CACNA2D3: variants seen among roughly 807,000 people sequenced by gnomAD.
CACNA2D3 encodes calcium voltage-gated channel auxiliary subunit alpha2delta 3.
Under a neutral mutation model 160.6 loss-of-function variants are expected in CACNA2D3, and 60 were observed. The observed-to-expected ratio is 0.37, with a 90% CI of 0.30 to 0.46. CACNA2D3 has a LOEUF of 0.46. Among genes scored for constraint, CACNA2D3 ranks in the 20% least tolerant of loss-of-function variants. The pLI is 1.00. For synonymous variants in CACNA2D3, 558 were observed against 492.9 expected (o/e 1.13, Z -1.75); for missense variants, 1,205 against 1,365.0 (o/e 0.88, Z 1.85).
intron 35 of CACNA2D3, among the ~76,000 whole-genome samples, chr3:55,034,672 A>G (rs1233228924): frequency 1.3e-5 from 2 of 152,016 alleles, no homozygotes; most frequent in Non-Finnish European, 2.9e-5. Context: ...TATAAATACT[A>G]TTTTATAACA....
At chr3:54,825,241 A>C (rs1320275924) in intron 14 of CACNA2D3, among the ~76,000 whole-genome samples, 1 of 152,170 alleles carries the variant, frequency 6.6e-6, no homozygotes, top group Non-Finnish European at 1.5e-5. Flanking sequence ...ACATCCTCGA[A>C]GATATAAAAA....
chr3:54,499,443 G>T (rs1045437467), intron 4 of CACNA2D3, among the ~76,000 whole-genome samples: 3 of 151,766 alleles, frequency 2.0e-5, no homozygotes, highest in Admixed American at 1.3e-4. Context: ...CATTTTTTCT[G>T]CTTACTTTAG....
At chr3:54,172,636 G>A (rs1228119728) in intron 2 of CACNA2D3, among the ~76,000 whole-genome samples, 1 of 152,152 alleles carries the variant, frequency 6.6e-6, no homozygotes, top group Non-Finnish European at 1.5e-5. Context: ...ATTGAAACAT[G>A]AAACTGTTGA....
intron 5 of CACNA2D3, among the ~76,000 whole-genome samples, chr3:54,516,859 A>T (rs945745058): frequency 2.0e-5 from 3 of 152,132 alleles, no homozygotes; most frequent in Non-Finnish European, 4.4e-5. Flanking sequence ...AATTAGCAAG[A>T]CAAAGTGCCC....
intron 27 of CACNA2D3, among the ~76,000 whole-genome samples, chr3:54,948,493 GGCAAAGGTA>G (rs1701672126): frequency 6.6e-6 from 1 of 152,186 alleles, no homozygotes; most frequent in Non-Finnish European, 1.5e-5. Context: ...AACTAGTATG[GGCAAAGGTA>G]GCATCTTCCT....
rs572352680 is a variant in CACNA2D3, at chr3:54,869,896, C to T, written c.1627-1643C>T. 6.4e-4 allele frequency among the ~76,000 whole-genome samples: 97 copies of T among 152,310 alleles called. 1 individual carries two copies. The highest frequency in any genetic ancestry group is 1.2e-3 in the Non-Finnish European group (85 of 68,036). ...AATCTGCTATTGTTTACAGTGGCTT[C>T]TGAGGGAACCACTTTCCTTCCCCTT... On this transcript the variant is annotated intron_variant, in intron 17 of 37. Coordinates refer to ENST00000474759, the MANE Select transcript of CACNA2D3 (RefSeq NM_018398.3).
intron 2 of CACNA2D3, among the ~76,000 whole-genome samples, chr3:54,221,658 T>C (rs1701574695): frequency 6.6e-6 from 1 of 152,228 alleles, no homozygotes; most frequent in Non-Finnish European, 1.5e-5. Context: ...AATTCACAGA[T>C]GCTAAAGTCT....
At chr3:54,154,440 C>T (rs545722557) in intron 2 of CACNA2D3, among the ~76,000 whole-genome samples, 4 of 152,122 alleles carry the variant, frequency 2.6e-5, no homozygotes, top group Non-Finnish European at 4.4e-5. Context: ...AGGTCTCGGG[C>T]TTAGGAACCT....
At chr3:54,795,197 A>T (rs977303429) in intron 13 of CACNA2D3, among the ~76,000 whole-genome samples, 1 of 152,244 alleles carries the variant, frequency 6.6e-6, no homozygotes, top group East Asian at 1.9e-4. Context: ...CTTTTAAAAA[A>T]TTTTAAGTAT....
chr3:54,803,953 C>T (rs1026324201), intron 13 of CACNA2D3, among the ~76,000 whole-genome samples: 24 of 152,204 alleles, frequency 1.6e-4, no homozygotes, highest in Non-Finnish European at 2.9e-4. Context: ...TCCAGTCAAA[C>T]TAAGCTTCAG....
chr3:54,226,477 T>C (rs1236797245), intron 2 of CACNA2D3, among the ~76,000 whole-genome samples: 2 of 152,030 alleles, frequency 1.3e-5, no homozygotes, highest in African/African-American at 4.8e-5. Context: ...TAATTTTTTA[T>C]TTTTTGTTGA....
intron 9 of CACNA2D3, among the ~76,000 whole-genome samples, chr3:54,613,515 C>T (rs758638971): frequency 6.6e-6 from 1 of 152,186 alleles, no homozygotes; most frequent in Non-Finnish European, 1.5e-5. Flanking sequence ...TTTCTGTTTA[C>T]TCATGGTCCA....
At chr3:54,647,147 G>A (rs879131473) in intron 11 of CACNA2D3, among the ~76,000 whole-genome samples, 2 of 152,206 alleles carry the variant, frequency 1.3e-5, no homozygotes, top group Non-Finnish European at 2.9e-5. Context: ...TTAGCACCTC[G>A]ATTGTAGACT....
intron 4 of CACNA2D3, among the ~76,000 whole-genome samples, chr3:54,489,947 G>A (rs1482753815): frequency 6.6e-6 from 1 of 152,138 alleles, no homozygotes; most frequent in Non-Finnish European, 1.5e-5. Context: ...AAAATGAGAT[G>A]ATTGAGTAGT....
intron 10 of CACNA2D3, chr3:54,632,120 GA>G (rs1215345751): frequency 1.3e-5 from 2 of 152,128 alleles, no homozygotes; most frequent in Non-Finnish European, 2.9e-5. Context: ...GAAGAGAAAA[GA>G]TATTACTCAT....
chr3:54,139,673 C>A (rs1699883562), intron 2 of CACNA2D3, among the ~76,000 whole-genome samples: 1 of 152,210 alleles, frequency 6.6e-6, no homozygotes, highest in African/African-American at 2.4e-5. Flanking sequence ...CTGGTATATT[C>A]ATTTCCCTGA....
chr3:54,910,469 G>A lies in CACNA2D3; in HGVS notation c.2449+10601G>A, dbSNP rs1043273261. On this transcript the variant is annotated intron_variant, in intron 27 of 37. Transcript: ENST00000474759. ...GTAACTTCCATTGTTCTTTTGTCGTGGCCTATTAGCAGTGCTTCACCATGT... is the reference window on the plus strand; with the variant it reads ...GTAACTTCCATTGTTCTTTTGTCGTAGCCTATTAGCAGTGCTTCACCATGT... Among the ~76,000 whole-genome samples the A allele has an allele frequency of 5.9e-5, 9 of 152,060 alleles. No individual in the cohort carries two copies. The East Asian group carries it at 1.7e-3, about 29-fold the overall frequency.
chr3:54,158,065 C>T (rs76203691), intron 2 of CACNA2D3, among the ~76,000 whole-genome samples: 1 of 152,208 alleles, frequency 6.6e-6, no homozygotes, highest in Admixed American at 6.5e-5. Flanking sequence ...GCCCTGTCTC[C>T]TGTGTTGCCT....
intron 13 of CACNA2D3, among the ~76,000 whole-genome samples, chr3:54,770,347 C>T (rs375460006): frequency 6.6e-6 from 1 of 152,126 alleles, no homozygotes; most frequent in Non-Finnish European, 1.5e-5. Context: ...GCCAAAGATT[C>T]GTTTGATGAA....
Sources: allele counts gnomAD v4.1 joint callset (sites outside exome capture counted in the v4.1 genomes callset), GRCh38; gene constraint gnomAD v4.1.1; transcripts MANE v1.5; gene names NCBI Gene and HGNC (gene_info 2026-07-23, HGNC 2026-07-21).